Variants in BAG1 observed in about 807,000 individuals in gnomAD.
BAG1 encodes the protein BAG cochaperone 1, also known as BAG family molecular chaperone regulator 1.
In BAG1, 35 loss-of-function variants were observed where a neutral mutation model predicts 35.5. That is an observed-to-expected ratio of 0.99 (90% CI 0.75 to 1.31). The LOEUF is 1.31. Among genes scored for constraint, BAG1 ranks in the 50% most tolerant of loss-of-function variants. BAG1 has a pLI of 0.00. For missense variants in BAG1, 464 were observed against 453.6 expected (o/e 1.02, Z -0.21); for synonymous variants, 191 against 178.9 (o/e 1.07, Z -0.54).
At position 33,264,397 on chromosome 9, in the gene BAG1, G is replaced by T; in HGVS notation, c.278C>A (p.Thr93Asn). Residue 93 changes from threonine (T) to asparagine (N), a missense_variant, in exon 1 of 7, where the codon ACC (threonine) becomes AAC (asparagine). By Grantham distance (65) the Thr-to-Asn change is moderately conservative. Coordinates refer to ENST00000634734, the MANE Select transcript of BAG1 (RefSeq NM_004323.6). Reference sequence around the variant, plus strand: ...ACTCCAGGTCGCTTCCTCACTCAGGGTCAACTCCTCGCTCCGGGTCAACTC... The same window carrying T: ...ACTCCAGGTCGCTTCCTCACTCAGGTTCAACTCCTCGCTCCGGGTCAACTC... 1 of 1,603,594 alleles carries T rather than the reference G, an allele frequency of 6.2e-7. No homozygotes were observed. Among genetic ancestry groups the T allele is most frequent in the Non-Finnish European group, 8.5e-7 (1 of 1,175,142 alleles).
chr9:33,262,653 G>A (rs1332645424), intron 2 of BAG1, 49 bp downstream of exon 2: 29 of 1,482,996 alleles, frequency 2.0e-5, no homozygotes, highest in African/African-American at 7.3e-5. Context: ...GTGAAACTTC[G>A]TCTCAAAAAA....
rs985097650 is a variant in BAG1 at position 33,254,002 on chromosome 9, G to A, written c.*1217C>T. 4.6e-5 allele frequency: 7 copies of A among 151,184 alleles called. No individual in the cohort carries two copies. Among genetic ancestry groups the A allele is most frequent in the African/African-American group, 1.7e-4 (7 of 41,032 alleles). The allele number at this position is 151,184 out of a possible 1,614,324, so 9.4% of individuals were successfully genotyped here. A position where few individuals can be genotyped will look rare whatever the true frequency, so the allele number is the denominator to read the frequency against. ...CTCAATTTTTTTTTTTTCTGAGATG[G>A]AGTCTCACTCTGTGACCCAGGCTGG... On this transcript the variant is annotated 3_prime_UTR_variant, in exon 7 of 7. Transcript: ENST00000634734.
intron 1 of BAG1, 39 bp downstream of exon 1, chr9:33,264,185 C>T (rs1820648922): frequency 1.9e-6 from 3 of 1,550,362 alleles, no homozygotes; most frequent in East Asian, 4.8e-5. Flanking sequence ...GCCGGGCTTT[C>T]GGGACCTGCA....
rs563402728 is a variant in BAG1, at chr9:33,254,037, G to C, written c.*1182C>G. 36 of 151,790 alleles carry C rather than the reference G, an allele frequency of 2.4e-4. No homozygotes were observed. The highest frequency in any genetic ancestry group is 4.7e-4 in the Non-Finnish European group (32 of 67,960). 9.4% of individuals were successfully genotyped at this position (151,790 alleles called of 1,614,324 possible). A position where few individuals can be genotyped will look rare whatever the true frequency, so the allele number is the denominator to read the frequency against. On this transcript the variant is annotated 3_prime_UTR_variant, in exon 7 of 7. Coordinates refer to ENST00000634734, the MANE Select transcript of BAG1 (RefSeq NM_004323.6). The stretch of plus-strand genomic sequence containing the variant: ...CTGTGACCCAGGCTGGAGTGCAGGG[G>C]CGTAATCTCGGCTCACAGCAACCTC...
intron 2 of BAG1, chr9:33,261,822 AGGG>A: frequency 1.1e-6 from 1 of 932,626 alleles, no homozygotes; most frequent in Non-Finnish European, 1.3e-6. Context: ...GACAGAGGGC[AGGG>A]GCCAGGAGGG....
chr9:33,261,907 T>A, intron 2 of BAG1: 1 of 985,328 alleles, frequency 1.0e-6, no homozygotes, highest in Non-Finnish European at 1.2e-6. Context: ...GTAAGTTTGC[T>A]CAAAACCTCC....
chr9:33,255,179 C>G lies in BAG1; in HGVS notation c.*40G>C. On this transcript the variant is annotated 3_prime_UTR_variant, in exon 7 of 7. Coordinates refer to ENST00000634734, the MANE Select transcript of BAG1 (RefSeq NM_004323.6). ...GCTCCAGAGACGGCAGAGCTGGTGGCGCCATTCTTCAGGGCAGCACAGCCT... is the reference window on the plus strand; with the variant it reads ...GCTCCAGAGACGGCAGAGCTGGTGGGGCCATTCTTCAGGGCAGCACAGCCT... 6.2e-7 allele frequency: 1 copy of G among 1,614,136 alleles called. No homozygotes were observed. The highest frequency in any genetic ancestry group is 2.2e-5 in the East Asian group (1 of 44,888).
intron 1 of BAG1, among the ~76,000 whole-genome samples, chr9:33,263,302 T>G (rs1429175829): frequency 2.6e-5 from 4 of 152,240 alleles, no homozygotes. Context: ...TGTATTGGTC[T>G]CGTCTCGCTT....
Position 33,264,517 on chromosome 9 carries a change from G to A in BAG1, c.158C>T (p.Ala53Val), listed in dbSNP as rs1271264504. 1.3e-6 allele frequency: 2 copies of A among 1,595,552 alleles called. No homozygotes were observed. The highest frequency in any genetic ancestry group is 2.2e-5 in the East Asian group (1 of 44,574). The stretch of plus-strand genomic sequence containing the variant: ...CCTGGTGGGTCGGTCATGCCCGCTG[G>A]CAGTACTCCGGGCAGGTGGACGCCC... The change falls in exon 1 of 7, where the codon GCC becomes GTC. Residue 53 changes from alanine (A) to valine (V), a missense_variant. Ala to Val is a moderately conservative substitution (Grantham distance 64). Transcript: ENST00000634734.
intron 2 of BAG1, 70 bp downstream of exon 2, chr9:33,262,632 G>T: frequency 7.0e-7 from 1 of 1,433,128 alleles, no homozygotes; most frequent in South Asian, 1.4e-5. Flanking sequence ...ACTCCAGCCT[G>T]GGCGACAAGA....
At chr9:33,259,922 G>C (rs1034348494) in intron 3 of BAG1, 1 of 152,230 alleles carries the variant, frequency 6.6e-6, no homozygotes, top group Non-Finnish European at 1.5e-5. Flanking sequence ...TTTTACAGAT[G>C]ATGAAACTGA....
chr9:33,262,884 TAG>T (rs1820607685), intron 1 of BAG1, 54 bp from the exon 2 acceptor site: 1 of 1,601,508 alleles, frequency 6.2e-7, no homozygotes, highest in African/African-American at 1.3e-5. Flanking sequence ...TACACCAATA[TAG>T]GATGACACTT....
chr9:33,254,984 A>G lies in BAG1; in HGVS notation c.*235T>C. 2 of 1,464,794 alleles carry G rather than the reference A, an allele frequency of 1.4e-6. No individual in the cohort carries two copies. The highest frequency in any genetic ancestry group is 2.8e-5 in the African/African-American group (2 of 70,658). 90.7% of individuals were successfully genotyped at this position (1,464,794 alleles called of 1,614,324 possible). ...TTTGGGCAGAGGTGGCCCTCTCCAG[A>G]AAAGGTGGATTGCTGGACAGTACAA... On this transcript the variant is annotated 3_prime_UTR_variant, in exon 7 of 7. Coordinates refer to ENST00000634734, the MANE Select transcript of BAG1 (RefSeq NM_004323.6).
rs1820418805 is a variant in BAG1 at position 33,254,911 on chromosome 9, T to C, written c.*308A>G. On this transcript the variant is annotated 3_prime_UTR_variant, in exon 7 of 7. Transcript: ENST00000634734. The stretch of plus-strand genomic sequence containing the variant: ...AAACTGGCCCAAGGCAAATTAGAGC[T>C]CTCACCAGCCCAAAGAAAGCACCCA... 3.1e-6 allele frequency: 3 copies of C among 978,936 alleles called. No individual in the cohort carries two copies. Among genetic ancestry groups the C allele is most frequent in the Non-Finnish European group, 2.8e-6 (2 of 717,972 alleles). The allele number at this position is 978,936 out of a possible 1,614,324, so 60.6% of individuals were successfully genotyped here.
chr9:33,262,882 T>C (rs1811850676), intron 1 of BAG1, 52 bp from the exon 2 acceptor site: 1 of 1,602,602 alleles, frequency 6.2e-7, no homozygotes, highest in Admixed American at 1.7e-5. Flanking sequence ...CATACACCAA[T>C]ATAGGATGAC....
chr9:33,255,217 C>A lies in BAG1; in HGVS notation c.*2G>T. ...GGCAGCACAGCCTTTTTCTGCTACACCTCACTCGGCCAGGGCAAAGTTTGT... is the reference window on the plus strand; with the variant it reads ...GGCAGCACAGCCTTTTTCTGCTACAACTCACTCGGCCAGGGCAAAGTTTGT... On this transcript the variant is annotated 3_prime_UTR_variant, in exon 7 of 7. Coordinates refer to ENST00000634734, the MANE Select transcript of BAG1 (RefSeq NM_004323.6). 2.5e-6 allele frequency: 4 copies of A among 1,614,208 alleles called. No homozygotes were observed. Among genetic ancestry groups the A allele is most frequent in the Non-Finnish European group, 3.4e-6 (4 of 1,180,032 alleles).
intron 3 of BAG1, chr9:33,259,716 A>G (rs977913361): frequency 6.6e-6 from 1 of 152,276 alleles, no homozygotes; most frequent in African/African-American, 2.4e-5. Flanking sequence ...CCAGAATGGC[A>G]AGAAAGGTGG....
rs901108852 is a variant in BAG1 at position 33,255,874 on chromosome 9, T to A, written c.939A>T (p.Lys313Asn). Residue 313 changes from lysine to asparagine, a missense_variant, in exon 6 of 7, where the codon AAA becomes AAT. Coordinates refer to ENST00000634734, the MANE Select transcript of BAG1 (RefSeq NM_004323.6). ...CTATTACACAACTCACCTGAACCTT[T>A]TTTACCAAGCCTTTCCTTTTCAATC... 1.9e-6 allele frequency: 3 copies of A among 1,613,878 alleles called. No homozygotes were observed. The African/African-American group carries it at 4.0e-5, about 22-fold the overall frequency.
In BAG1 at chr9:33,255,897, A is replaced by T; in HGVS notation, c.916T>A (p.Leu306Met). 6.2e-7 allele frequency: 1 copy of T among 1,614,080 alleles called. No homozygotes were observed. Among genetic ancestry groups the T allele is most frequent in the Non-Finnish European group, 8.5e-7 (1 of 1,179,944 alleles). Residue 306 changes from leucine to methionine, a missense_variant, in exon 6 of 7, where the codon TTG (leucine) becomes ATG (methionine). Coordinates refer to ENST00000634734, the MANE Select transcript of BAG1 (RefSeq NM_004323.6). ...TTTTTTACCAAGCCTTTCCTTTTCA[A>T]TCTACTGTCTTTGAAATTTTCTGGC...
Sources: allele counts gnomAD v4.1 joint callset (sites outside exome capture counted in the v4.1 genomes callset), GRCh38; gene constraint gnomAD v4.1.1; transcripts MANE v1.5; gene names NCBI Gene and HGNC (gene_info 2026-07-23, HGNC 2026-07-21).